The following DCP1B variants were observed in gnomAD, a reference collection of about 807,000 sequenced individuals.
DCP1B encodes the protein decapping mRNA 1B.
Under a neutral mutation model 60.5 loss-of-function variants are expected in DCP1B, and 47 were observed. The observed-to-expected ratio is 0.78, with a 90% CI of 0.61 to 0.99. The LOEUF (loss-of-function observed/expected upper bound fraction) is 0.99, where lower values mean the gene tolerates loss of function less well. Among genes scored for constraint, DCP1B ranks in the 50% least tolerant of loss-of-function variants. The pLI is 0.00. For missense variants in DCP1B, 725 were observed against 756.8 expected (o/e 0.96, Z 0.49); for synonymous variants, 267 against 280.3 (o/e 0.95, Z 0.47).
At chr12:1,965,496 C>G (rs1321228829) in intron 5 of DCP1B, 62 bp downstream of exon 5, 33 of 1,500,926 alleles carry the variant, frequency 2.2e-5, no homozygotes. Context: ...TCTTGCTAAA[C>G]AAGAATATTC....
chr12:1,980,660 G>C (rs2035845618), intron 3 of DCP1B, among the ~76,000 whole-genome samples: 1 of 150,500 alleles, frequency 6.6e-6, no homozygotes, highest in African/African-American at 2.4e-5. Flanking sequence ...TTTAAATCCA[G>C]TGTTTGGTAA....
At chr12:2,000,620 T>C (rs1312738532) in intron 1 of DCP1B, among the ~76,000 whole-genome samples, 1 of 152,158 alleles carries the variant, frequency 6.6e-6, no homozygotes, top group Non-Finnish European at 1.5e-5. Flanking sequence ...ACAAAGAATA[T>C]GAGTTTGTTC....
chr12:1,999,525 A>T (rs763749936), intron 1 of DCP1B, among the ~76,000 whole-genome samples: 19 of 152,174 alleles, frequency 1.2e-4, no homozygotes, highest in Non-Finnish European at 2.1e-4. Context: ...GTTTGAGACC[A>T]GCCTGGGCAA....
intron 3 of DCP1B, among the ~76,000 whole-genome samples, chr12:1,969,522 C>T (rs2031699829): frequency 6.7e-6 from 1 of 148,776 alleles, no homozygotes; most frequent in Admixed American, 6.7e-5. Flanking sequence ...AATACATACA[C>T]ATTTTCCTCC....
rs183515913 is a variant in DCP1B, at chr12:1,950,195, G to A, written c.1525-861C>T. ...GTAATTTTATAATCAATCCCTTAGC[G>A]TCTCTTTGAGCAAAAGTTGGCCTAG... On this transcript the variant is annotated intron_variant, in intron 7 of 8. Coordinates refer to ENST00000280665, the MANE Select transcript of DCP1B (RefSeq NM_152640.5). 3.0e-4 allele frequency: 183 copies of A among 609,362 alleles called. No individual in the cohort carries two copies. The African/African-American group carries it at 3.2e-3, about 11-fold the overall frequency. 37.7% of individuals were successfully genotyped at this position (609,362 alleles called of 1,614,324 possible).
rs2031274137 is a variant in DCP1B, at chr12:1,965,763, C to G, written c.387-70G>C. ...ACACAAACAATGTTTAAAACCATCC[C>G]AATTCTCACCTAGTTGTTTTCATCC... On this transcript the variant is annotated intron_variant, in intron 4 of 8. Coordinates refer to ENST00000280665, the MANE Select transcript of DCP1B (RefSeq NM_152640.5). The G allele has an allele frequency of 1.3e-6, 2 of 1,488,864 alleles. 1 individual carries two copies. The highest frequency in any genetic ancestry group is 2.7e-5 in the South Asian group (2 of 72,894). The allele number at this position is 1,488,864 out of a possible 1,614,324, so 92.2% of individuals were successfully genotyped here.
At chr12:1,965,464 G>A in intron 5 of DCP1B, 94 bp downstream of exon 5, 1 of 1,340,998 alleles carries the variant, frequency 7.5e-7, no homozygotes, top group Non-Finnish European at 9.7e-7. Flanking sequence ...TTGGTGGAAG[G>A]AACAGCATCC....
chr12:1,968,399 G>A (rs537682798), intron 3 of DCP1B, among the ~76,000 whole-genome samples: 2 of 149,892 alleles, frequency 1.3e-5, no homozygotes, highest in South Asian at 2.1e-4. Context: ...AGAGAAATCC[G>A]TGGTGGTTTT....
intron 8 of DCP1B, among the ~76,000 whole-genome samples, chr12:1,946,494 T>C (rs1292192671): frequency 6.6e-6 from 1 of 152,222 alleles, no homozygotes; most frequent in African/African-American, 2.4e-5. Context: ...ATGGTCAGTA[T>C]GCACAGCAGC....
At chr12:1,969,780 C>CT (rs1253167925) in intron 3 of DCP1B, among the ~76,000 whole-genome samples, 1 of 152,160 alleles carries the variant, frequency 6.6e-6, no homozygotes, top group Non-Finnish European at 1.5e-5. Flanking sequence ...GATTGGATCA[C>CT]TGACGTTCAA....
At chr12:1,954,430 T>G (rs375096690) in intron 6 of DCP1B, among the ~76,000 whole-genome samples, 1 of 152,192 alleles carries the variant, frequency 6.6e-6, no homozygotes. Context: ...GAAAATCTTT[T>G]TAATTAGTCA....
At chr12:1,991,140 T>G (rs1407360474) in intron 3 of DCP1B, 1 of 456,128 alleles carries the variant, frequency 2.2e-6, no homozygotes, top group Admixed American at 2.3e-5. Context: ...GCATCCATGT[T>G]TAATAGTAGA....
rs1231174420 is a variant in DCP1B, at chr12:2,003,701, G to A, written c.150+581C>T. On this transcript the variant is annotated intron_variant, in intron 1 of 8. Coordinates refer to ENST00000280665, the MANE Select transcript of DCP1B (RefSeq NM_152640.5). Reference sequence around the variant, plus strand: ...TGCTGCCGTGTAATAATCTTCCCAAGAGCATCAGCTTCCTTCTAAGTGTTA... The same window carrying A: ...TGCTGCCGTGTAATAATCTTCCCAAAAGCATCAGCTTCCTTCTAAGTGTTA... Among the ~76,000 whole-genome samples, 2 of 152,304 alleles carry A rather than the reference G, an allele frequency of 1.3e-5. 1 individual carries two copies. Among genetic ancestry groups the A allele is most frequent in the Middle Eastern group, 6.8e-3 (2 of 294 alleles).
In DCP1B at chr12:1,952,597, G is replaced by C. The variant is rs1475543060; in HGVS notation, c.1343C>G (p.Ser448Cys). 9.9e-6 allele frequency: 16 copies of C among 1,614,162 alleles called. No homozygotes were observed. The highest frequency in any genetic ancestry group is 1.3e-5 in the Non-Finnish European group (15 of 1,180,022). ...AAGCTTCTTCAGTAACTCTTGAGGG[G>C]AGATCACTCCAGAGCTGCCAGTCTG... ...GSQTGSSGVISPQELLKKLQI... is the reference protein window; with the variant it reads ...GSQTGSSGVICPQELLKKLQI... The change falls in exon 7 of 9, where the codon TCC becomes TGC. Residue 448 changes from serine (S) to cysteine (C), a missense_variant. Transcript: ENST00000280665.
chr12:1,962,335 G>C lies in DCP1B; in HGVS notation c.522+3223C>G, dbSNP rs111410448. Among the ~76,000 whole-genome samples, 4,148 of 152,254 alleles carry C rather than the reference G, an allele frequency of 0.027. 94 individuals are homozygous for C. Among genetic ancestry groups the C allele is most frequent in the Middle Eastern group, 0.054 (16 of 294 alleles). On this transcript the variant is annotated intron_variant, in intron 5 of 8. Coordinates refer to ENST00000280665, the MANE Select transcript of DCP1B (RefSeq NM_152640.5). This position sits in a 1 kb window ranked among gnomAD's most constrained non-coding sequence, Gnocchi z 4.4. ...CTTTGCTATCTCTGAACACTGGCTGGTCACAGGAGGGGCAGTCTCCCCAGC... is the reference window on the plus strand; with the variant it reads ...CTTTGCTATCTCTGAACACTGGCTGCTCACAGGAGGGGCAGTCTCCCCAGC...
chr12:1,945,008 G>A (rs948625774), downstream of DCP1B, among the ~76,000 whole-genome samples: 1 of 152,160 alleles, frequency 6.6e-6, no homozygotes, highest in African/African-American at 2.4e-5. Context: ...CCTACAGAAT[G>A]GGAGAAATTT....
chr12:1,956,659 T>A (rs2030895777), intron 5 of DCP1B, among the ~76,000 whole-genome samples: 2 of 152,202 alleles, frequency 1.3e-5, no homozygotes, highest in Admixed American at 1.3e-4. Flanking sequence ...AAGTGTTACT[T>A]CCAATTCTTC....
chr12:1,950,882 A>C (rs1428621456), intron 7 of DCP1B, among the ~76,000 whole-genome samples: 1 of 152,216 alleles, frequency 6.6e-6, no homozygotes, highest in Non-Finnish European at 1.5e-5. Context: ...TCCTAGGTTC[A>C]AGCGATTCTC....
At chr12:1,950,642 C>A (rs140874889) in intron 7 of DCP1B, among the ~76,000 whole-genome samples, 37 of 152,208 alleles carry the variant, frequency 2.4e-4, no homozygotes, top group African/African-American at 8.4e-4. Flanking sequence ...TCTTTGTTTT[C>A]AAAAAACTGA....
Sources: gnomAD v4.1 joint callset for allele counts (sites outside exome capture counted in the v4.1 genomes callset) on GRCh38, gnomAD v4.1.1 for gene constraint, Gnocchi (gnomAD v3.1) non-coding constraint, MANE v1.5 for transcripts, NCBI Gene and HGNC (gene_info 2026-07-23, HGNC 2026-07-21) for gene names.